The following ERBB4 variants were observed in gnomAD, a reference collection of about 807,000 sequenced individuals.
The protein encoded by ERBB4 is receptor tyrosine-protein kinase erbB-4.
Under a neutral mutation model 158.0 loss-of-function variants are expected in ERBB4, and 42 were observed. That is an observed-to-expected ratio of 0.27 (90% CI 0.21 to 0.34). The LOEUF (loss-of-function observed/expected upper bound fraction) is 0.34, where lower values mean the gene tolerates loss of function less well. Among genes scored for constraint, ERBB4 ranks in the 10% least tolerant of loss-of-function variants. The pLI is 1.00. For synonymous variants in ERBB4, 583 were observed against 558.7 expected (o/e 1.04, Z -0.61); for missense variants, 1,333 against 1,624.1 (o/e 0.82, Z 3.08).
chr2:211,481,856 C>A (rs758144074), intron 20 of ERBB4, among the ~76,000 whole-genome samples: 7 of 152,186 alleles, frequency 4.6e-5, no homozygotes, highest in Non-Finnish European at 7.4e-5. Flanking sequence ...ACTCTCCCAA[C>A]TAACATCTAA....
intron 1 of ERBB4, among the ~76,000 whole-genome samples, chr2:212,211,491 G>A (rs533764886): frequency 6.6e-6 from 1 of 152,082 alleles, no homozygotes; most frequent in East Asian, 1.9e-4. Flanking sequence ...TAGACATGTA[G>A]TCTACACTTT....
At chr2:211,990,641 T>G (rs982796940) in intron 2 of ERBB4, among the ~76,000 whole-genome samples, 1 of 152,028 alleles carries the variant, frequency 6.6e-6, no homozygotes, top group Non-Finnish European at 1.5e-5. Context: ...CACCCATGTT[T>G]TTTGAAGCTA....
chr2:212,052,199 C>T (rs958649644), intron 2 of ERBB4, among the ~76,000 whole-genome samples: 1 of 152,156 alleles, frequency 6.6e-6, no homozygotes, highest in African/African-American at 2.4e-5. Context: ...CATCCTTCTC[C>T]CATGCTGGTT....
intron 1 of ERBB4, among the ~76,000 whole-genome samples, chr2:212,196,452 G>T (rs2105891761): frequency 6.6e-6 from 1 of 152,072 alleles, no homozygotes; most frequent in Middle Eastern, 3.4e-3. Flanking sequence ...AGGGGAGGCA[G>T]GAGAGGCAGG....
chr2:212,181,648 T>C (rs1017576548), intron 1 of ERBB4, among the ~76,000 whole-genome samples: 3 of 151,790 alleles, frequency 2.0e-5, no homozygotes, highest in African/African-American at 4.8e-5. Context: ...CTGACAATTA[T>C]GTCATATAAA....
At chr2:211,828,128 G>A (rs1436991609) in intron 3 of ERBB4, among the ~76,000 whole-genome samples, 1 of 152,150 alleles carries the variant, frequency 6.6e-6, no homozygotes, top group South Asian at 2.1e-4. Flanking sequence ...ATATCAATGT[G>A]ACTGAACAGA....
chr2:211,596,312 G>A lies in ERBB4; in HGVS notation c.2301+22865C>T, dbSNP rs116688818. Among the ~76,000 whole-genome samples, 1,402 of 152,096 alleles carry A rather than the reference G, an allele frequency of 9.2e-3. 21 individuals are homozygous for A. Among genetic ancestry groups the A allele is most frequent in the African/African-American group, 0.032 (1,325 of 41,498 alleles). ...CCAATAAAGAGGAAGTACATGAAATGGTGTTTTATTTTCATTTTTGGAAGT... is the reference window on the plus strand; with the variant it reads ...CCAATAAAGAGGAAGTACATGAAATAGTGTTTTATTTTCATTTTTGGAAGT... On this transcript the variant is annotated intron_variant, in intron 19 of 27. Transcript: ENST00000342788.
intron 3 of ERBB4, among the ~76,000 whole-genome samples, chr2:211,944,193 A>AGTT (rs765902597): frequency 1.5e-5 from 1 of 64,574 alleles, no homozygotes; most frequent in Non-Finnish European, 3.0e-5. Flanking sequence ...ATATATATAT[A>AGTT]TATATACTAT....
At chr2:211,976,220 G>A (rs1575461653) in intron 2 of ERBB4, among the ~76,000 whole-genome samples, 1 of 152,088 alleles carries the variant, frequency 6.6e-6, no homozygotes, top group African/African-American at 2.4e-5. Context: ...CTGTAATAAA[G>A]TATAACTCTA....
chr2:211,708,570 GT>G (rs2073542366), intron 9 of ERBB4, among the ~76,000 whole-genome samples: 1 of 150,744 alleles, frequency 6.6e-6, no homozygotes, highest in Non-Finnish European at 1.5e-5. Context: ...TTCTCCTCCT[GT>G]TTTGTTTTTT....
intron 19 of ERBB4, among the ~76,000 whole-genome samples, chr2:211,569,913 G>T (rs954514081): frequency 1.3e-5 from 2 of 152,098 alleles, no homozygotes; most frequent in African/African-American, 2.4e-5. Flanking sequence ...ATCATAGCTT[G>T]ATCTCCAATA....
intron 1 of ERBB4, among the ~76,000 whole-genome samples, chr2:212,357,679 T>G (rs1388269711): frequency 6.6e-6 from 1 of 151,706 alleles, no homozygotes; most frequent in African/African-American, 2.4e-5. Context: ...TCGATCTGTT[T>G]TAACACTGTA....
intron 2 of ERBB4, among the ~76,000 whole-genome samples, chr2:212,111,519 G>T (rs2079404784): frequency 6.6e-6 from 1 of 151,994 alleles, no homozygotes. Flanking sequence ...CCTATGCTAT[G>T]GTAAATACTT....
chr2:211,459,581 A>G (rs1160970253), intron 20 of ERBB4, among the ~76,000 whole-genome samples: 1 of 152,150 alleles, frequency 6.6e-6, no homozygotes, highest in Non-Finnish European at 1.5e-5. Flanking sequence ...ATGGTAGTGA[A>G]TAAATCTCAC....
chr2:211,840,822 C>T (rs1275619090), intron 3 of ERBB4, among the ~76,000 whole-genome samples: 1 of 152,040 alleles, frequency 6.6e-6, no homozygotes, highest in African/African-American at 2.4e-5. Flanking sequence ...AATAGCAATG[C>T]ATTTATGTAA....
intron 1 of ERBB4, among the ~76,000 whole-genome samples, chr2:212,326,054 T>C (rs1280376469): frequency 2.0e-5 from 3 of 150,482 alleles, no homozygotes; most frequent in African/African-American, 7.3e-5. Flanking sequence ...AGCCAAATCT[T>C]GCTGTATTTT....
At chr2:211,999,977 G>A (rs769488098) in intron 2 of ERBB4, among the ~76,000 whole-genome samples, 3 of 151,550 alleles carry the variant, frequency 2.0e-5, no homozygotes, top group African/African-American at 4.8e-5. Flanking sequence ...CTCTAGTCAC[G>A]GTATAATAGT....
intron 1 of ERBB4, among the ~76,000 whole-genome samples, chr2:212,477,180 T>C (rs1689446893): frequency 2.0e-5 from 3 of 151,924 alleles, no homozygotes; most frequent in Non-Finnish European, 2.9e-5. Flanking sequence ...ATCACAGAAA[T>C]AGAAATAAAA....
At chr2:211,877,581 T>C (rs2078540328) in intron 3 of ERBB4, among the ~76,000 whole-genome samples, 1 of 150,300 alleles carries the variant, frequency 6.7e-6, no homozygotes, top group African/African-American at 2.4e-5. Flanking sequence ...TTTTTTTCCA[T>C]TTCAGGGATA....
Sources: allele counts gnomAD v4.1 joint callset (sites outside exome capture counted in the v4.1 genomes callset), GRCh38; gene constraint gnomAD v4.1.1; transcripts MANE v1.5; gene names NCBI Gene and HGNC (gene_info 2026-07-23, HGNC 2026-07-21).